The following NHS variants were observed in gnomAD, a reference collection of about 807,000 sequenced individuals.
NHS encodes the protein NHS actin remodeling regulator.
NHS carries 5 observed loss-of-function variants against 72.5 expected under a neutral mutation model. The observed-to-expected ratio is 0.07, with a 90% CI of 0.04 to 0.14. The LOEUF (loss-of-function observed/expected upper bound fraction) is 0.14. NHS is among the 10% of genes least tolerant of loss of function. NHS has a pLI of 1.00. For synonymous variants in NHS, 464 were observed against 547.7 expected (o/e 0.85, Z 2.13); for missense variants, 1,072 against 1,355.7 (o/e 0.79, Z 3.29).
In NHS at chrX:17,723,726, GGTGT is replaced by G. The variant is rs3222310; in HGVS notation, c.1109-531_1109-528del. The stretch of plus-strand genomic sequence containing the variant: ...TGTTGAGTTTCCTCACAGCAAAAGA[GGTGT>G]GTGTGTGTGTGTGTGTGTGTGTGTG... On this transcript the variant is annotated intron_variant, in intron 5 of 8. Transcript: ENST00000676302. Among the ~76,000 whole-genome samples the G allele has an allele frequency of 8.9e-3, 636 of 71,065 alleles. 6 individuals are homozygous for G. The highest frequency in any genetic ancestry group is 0.028 in the African/African-American group (485 of 17,040). The allele number at this position is 71,065 out of a possible 115,157, so 61.7% of individuals were successfully genotyped here.
intron 1 of NHS, among the ~76,000 whole-genome samples, chrX:17,540,848 G>A (rs1285113695): frequency 3.6e-5 from 4 of 111,907 alleles, no homozygotes; most frequent in Non-Finnish European, 7.5e-5. Context: ...GGGAGGCCAA[G>A]ACGGGTGGAT....
intron 1 of NHS, among the ~76,000 whole-genome samples, chrX:17,542,868 G>T (rs904604479): frequency 8.9e-6 from 1 of 111,784 alleles, no homozygotes; most frequent in South Asian, 3.8e-4. Context: ...TACAAAATTG[G>T]TAGAATAATT....
At chrX:17,524,612 T>C (rs2065164503) in intron 1 of NHS, among the ~76,000 whole-genome samples, 1 of 112,053 alleles carries the variant, frequency 8.9e-6, no homozygotes, top group Non-Finnish European at 1.9e-5. Context: ...TTCTCTGATG[T>C]TTCTTCACAT....
chrX:17,604,497 C>T (rs180691153), intron 1 of NHS, among the ~76,000 whole-genome samples: 41 of 112,140 alleles, frequency 3.7e-4, no homozygotes, highest in Admixed American at 3.0e-3. Context: ...TAGAAAGTAA[C>T]TTCCTGCAAC....
At chrX:17,485,671 C>A (rs932948475) in intron 1 of NHS, among the ~76,000 whole-genome samples, 3 of 111,706 alleles carry the variant, frequency 2.7e-5, no homozygotes, top group African/African-American at 9.7e-5. Context: ...GACTGCTTTT[C>A]AATTTTCCCA....
At chrX:17,704,910 C>A (rs1333177828) in intron 3 of NHS, among the ~76,000 whole-genome samples, 1 of 112,171 alleles carries the variant, frequency 8.9e-6, no homozygotes, top group African/African-American at 3.2e-5. Context: ...GCTGCATTCA[C>A]ACCCCTGTTG....
chrX:17,439,155 T>C (rs748853412), intron 1 of NHS, among the ~76,000 whole-genome samples: 1 of 109,271 alleles, frequency 9.2e-6, no homozygotes, highest in East Asian at 3.0e-4. Context: ...GTCTACATCC[T>C]AAGGTCACCT....
In NHS at chrX:17,732,360, C is replaced by T; in HGVS notation, c.4852C>T (p.Arg1618Cys). 2.5e-6 allele frequency: 3 copies of T among 1,212,461 alleles called. No homozygotes were observed. Among genetic ancestry groups the T allele is most frequent in the South Asian group, 1.8e-5 (1 of 57,039 alleles). The change falls in exon 9 of 9, where the codon CGC (arginine) becomes TGC (cysteine). Residue 1618 changes from arginine to cysteine, a missense_variant. Arg to Cys is a radical substitution (Grantham distance 180). Transcript: ENST00000676302. The stretch of plus-strand genomic sequence containing the variant: ...AGCCAGCAGCAGCCGCTACAGTGTC[C>T]GCTGCCGGCTGTACAATACGCCCAT... ...PAASSSRYSV[R>C]CRLYNTPMQA...
intron 1 of NHS, among the ~76,000 whole-genome samples, chrX:17,504,468 G>C (rs1200298787): frequency 1.8e-5 from 2 of 112,410 alleles, no homozygotes; most frequent in African/African-American, 3.2e-5. Flanking sequence ...CCCTCAAGCT[G>C]TCTCTCTCTT....
chrX:17,561,185 C>T (rs2065410225), intron 1 of NHS, among the ~76,000 whole-genome samples: 1 of 112,502 alleles, frequency 8.9e-6, no homozygotes, highest in African/African-American at 3.2e-5. Context: ...GTTCTAAGTT[C>T]CCTCGAATTT....
chrX:17,420,421 T>C (rs893093562), intron 1 of NHS, among the ~76,000 whole-genome samples: 1 of 111,443 alleles, frequency 9.0e-6, no homozygotes, highest in Non-Finnish European at 1.9e-5. Flanking sequence ...AATCCACCCG[T>C]CAATTCATTC....
chrX:17,386,679 A>AAAAAAAAAAAAAAAAAAG (rs2064411340), intron 1 of NHS, among the ~76,000 whole-genome samples: 1 of 108,841 alleles, frequency 9.2e-6, no homozygotes, highest in Non-Finnish European at 1.9e-5. Context: ...AAAAAAAAAA[A>AAAAAAAAAAAAAAAAAAG]AAAAAGAAAA....
At chrX:17,391,680 G>A (rs1173491574) in intron 1 of NHS, among the ~76,000 whole-genome samples, 1 of 111,765 alleles carries the variant, frequency 8.9e-6, no homozygotes, top group East Asian at 2.8e-4. Flanking sequence ...TCTAACTCAT[G>A]TTGTGAAGCA....
At chrX:17,699,059 C>T (rs994054873) in intron 3 of NHS, among the ~76,000 whole-genome samples, 10 of 111,601 alleles carry the variant, frequency 9.0e-5, no homozygotes, top group Non-Finnish European at 1.9e-4. Context: ...AACTTTAAAG[C>T]ACTCCTTAAA....
chrX:17,416,883 C>T (rs1248879960), intron 1 of NHS, among the ~76,000 whole-genome samples: 1 of 107,768 alleles, frequency 9.3e-6, no homozygotes, highest in Non-Finnish European at 1.9e-5. Flanking sequence ...AAGGCAGTTA[C>T]TGCGATTGGT....
At chrX:17,687,616 G>T in intron 1 of NHS, 126 bp from the exon 2 acceptor site, 1 of 790,497 alleles carries the variant, frequency 1.3e-6, no homozygotes, top group Non-Finnish European at 2.0e-6. Context: ...AGTTCTTAAT[G>T]TGAATGCAGT....
At chrX:17,710,848 A>C (rs2066325872) in intron 3 of NHS, among the ~76,000 whole-genome samples, 1 of 112,544 alleles carries the variant, frequency 8.9e-6, no homozygotes, top group Non-Finnish European at 1.9e-5. Flanking sequence ...AAAAATTTGC[A>C]GTGATGAGGT....
intron 1 of NHS, among the ~76,000 whole-genome samples, chrX:17,646,918 G>A (rs750743755): frequency 5.4e-5 from 6 of 111,542 alleles, no homozygotes; most frequent in African/African-American, 2.0e-4. Context: ...AGACTAAAAG[G>A]GACCTCCTTT....
chrX:17,392,834 A>G (rs2088774260), intron 1 of NHS, among the ~76,000 whole-genome samples: 1 of 112,299 alleles, frequency 8.9e-6, no homozygotes, highest in Non-Finnish European at 1.9e-5. Context: ...GAACATTTTC[A>G]GCCCTCTAGA....
Sources: gnomAD v4.1 joint callset for allele counts (sites outside exome capture counted in the v4.1 genomes callset) on GRCh38, gnomAD v4.1.1 for gene constraint, MANE v1.5 for transcripts, NCBI Gene and HGNC (gene_info 2026-07-23, HGNC 2026-07-21) for gene names.